The following CTXN2 variants were observed in gnomAD, a reference collection of about 807,000 sequenced individuals.
The protein encoded by CTXN2 is cortexin-2.
In CTXN2, 3 loss-of-function variants were observed where a neutral mutation model predicts 5.7. That is an observed-to-expected ratio of 0.53 (90% CI 0.24 to 1.36). CTXN2 has a LOEUF of 1.36. Ranked by LOEUF, CTXN2 falls within the 40% of genes most tolerant of loss-of-function variation. The pLI is 0.17. For missense variants in CTXN2, 87 were observed against 93.0 expected (o/e 0.94, Z 0.26); for synonymous variants, 38 against 36.4 (o/e 1.04, Z -0.16).
upstream of CTXN2, among the ~76,000 whole-genome samples, chr15:48,188,552 A>C (rs1012329351): frequency 1.1e-4 from 17 of 152,178 alleles, no homozygotes; most frequent in East Asian, 3.1e-3. Flanking sequence ...GTAGATATAG[A>C]GCAGGTTGTG....
chr15:48,184,407 T>A (rs1157778713), intron 1 of CTXN2, among the ~76,000 whole-genome samples: 2 of 151,988 alleles, frequency 1.3e-5, no homozygotes, highest in Non-Finnish European at 2.9e-5. Context: ...AAATCATACA[T>A]TAAAAATAAC....
intron 1 of CTXN2, among the ~76,000 whole-genome samples, chr15:48,193,803 C>T (rs1050877808): frequency 1.2e-4 from 18 of 152,022 alleles, no homozygotes; most frequent in African/African-American, 4.1e-4. Flanking sequence ...AAAAGCAGGA[C>T]TTGGCACACT....
At chr15:48,182,811 G>T (rs1322987610) in intron 1 of CTXN2, among the ~76,000 whole-genome samples, 1 of 152,176 alleles carries the variant, frequency 6.6e-6, no homozygotes. Context: ...AAGGCTGAGA[G>T]GGCAAAGGTC....
At chr15:48,178,492 C>T (rs545434796) in intron 1 of CTXN2, 65 of 420,014 alleles carry the variant, frequency 1.5e-4, no homozygotes, top group African/African-American at 1.2e-3. Context: ...GGCCCTACAC[C>T]TGCCTGGGAG....
upstream of CTXN2, among the ~76,000 whole-genome samples, chr15:48,188,347 T>C (rs2040779434): frequency 6.6e-6 from 1 of 152,152 alleles, no homozygotes; most frequent in Non-Finnish European, 1.5e-5. Context: ...GTTACATGAT[T>C]TTCATTGTGT....
chr15:48,201,432 T>C lies in CTXN2; in HGVS notation c.132T>C (p.Leu44=). The C allele has an allele frequency of 3.2e-6, 5 of 1,551,364 alleles. No individual in the cohort carries two copies. The highest frequency in any genetic ancestry group is 4.4e-6 in the Non-Finnish European group (5 of 1,146,728). The change falls in exon 2 of 2, where the codon CTT becomes CTC. Residue 44 remains leucine, a synonymous_variant. Coordinates refer to ENST00000417307, the MANE Select transcript of CTXN2 (RefSeq NM_001145668.2). ...VGILCIFLGL[L]IIRCFKILLD... ...TTTTGTGTATCTTCTTGGGACTTCT[T>C]ATTATCCGATGCTTCAAAATCCTGC...
At chr15:48,193,226 C>T (rs1373442832) in intron 1 of CTXN2, among the ~76,000 whole-genome samples, 1 of 152,128 alleles carries the variant, frequency 6.6e-6, no homozygotes, top group Non-Finnish European at 1.5e-5. Context: ...AATGTACTTT[C>T]AACCAAGTTA....
intron 1 of CTXN2, among the ~76,000 whole-genome samples, chr15:48,200,493 T>C (rs1396846508): frequency 6.6e-6 from 1 of 152,200 alleles, no homozygotes; most frequent in Non-Finnish European, 1.5e-5. Context: ...AAGTTGAATT[T>C]GCAGAGAAAG....
chr15:48,185,882 C>A (rs528801858), intron 1 of CTXN2, among the ~76,000 whole-genome samples: 4 of 152,186 alleles, frequency 2.6e-5, no homozygotes, highest in Non-Finnish European at 5.9e-5. Flanking sequence ...ACTGCTTTTA[C>A]TTGGTAGTCA....
At chr15:48,186,074 C>T (rs1397200221) in intron 1 of CTXN2, among the ~76,000 whole-genome samples, 1 of 152,142 alleles carries the variant, frequency 6.6e-6, no homozygotes, top group East Asian at 1.9e-4. Flanking sequence ...TCTCTATATA[C>T]TATACTGTAG....
Position 48,196,440 on chromosome 15 carries a change from C to T in CTXN2, c.-58+4587C>T, listed in dbSNP as rs190843778. Among the ~76,000 whole-genome samples, 771 of 152,180 alleles carry T rather than the reference C, an allele frequency of 5.1e-3. 6 individuals carry two copies. The highest frequency in any genetic ancestry group is 0.018 in the African/African-American group (741 of 41,538). ...ACTGTTCAAAAACACTGAAAACATGCGTAGATTAAAGTGAAACCTTTGTAA... is the reference window on the plus strand; with the variant it reads ...ACTGTTCAAAAACACTGAAAACATGTGTAGATTAAAGTGAAACCTTTGTAA... On this transcript the variant is annotated intron_variant, in intron 1 of 1. Transcript: ENST00000417307.
chr15:48,181,255 A>G (rs964201858), intron 1 of CTXN2, among the ~76,000 whole-genome samples: 1 of 152,260 alleles, frequency 6.6e-6, no homozygotes, highest in Non-Finnish European at 1.5e-5. Flanking sequence ...GTCATCGTGA[A>G]GTCAGGTTCC....
chr15:48,195,599 T>C (rs1232508380), intron 1 of CTXN2, among the ~76,000 whole-genome samples: 1 of 152,176 alleles, frequency 6.6e-6, no homozygotes, highest in African/African-American at 2.4e-5. Context: ...TTTATTGTCA[T>C]GCTTTTTTCT....
intron 1 of CTXN2, 86 bp from the exon 2 acceptor site, chr15:48,201,158 T>C: frequency 1.3e-6 from 1 of 770,890 alleles, no homozygotes; most frequent in Non-Finnish European, 2.0e-6. Context: ...GTCAAGAAGG[T>C]TTGAAAAACG....
upstream of CTXN2, among the ~76,000 whole-genome samples, chr15:48,188,861 T>C (rs956317322): frequency 2.0e-5 from 3 of 152,218 alleles, no homozygotes; most frequent in African/African-American, 7.2e-5. Flanking sequence ...TTTATCTTTT[T>C]GCAGTTCTTC....
Position 48,199,102 on chromosome 15 carries a change from A to T in CTXN2, c.-57-2142A>T, listed in dbSNP as rs141334647. Among the ~76,000 whole-genome samples, 543 of 152,282 alleles carry T rather than the reference A, an allele frequency of 3.6e-3. 1 individual carries two copies. Among genetic ancestry groups the T allele is most frequent in the African/African-American group, 0.013 (524 of 41,550 alleles). On this transcript the variant is annotated intron_variant, in intron 1 of 1. Coordinates refer to ENST00000417307, the MANE Select transcript of CTXN2 (RefSeq NM_001145668.2). The stretch of plus-strand genomic sequence containing the variant: ...ATTGAACTGTGCTATAGACCCAATG[A>T]CAGTCTCTGCTGACCCCATCTAGAA...
intron 1 of CTXN2, among the ~76,000 whole-genome samples, chr15:48,180,912 A>G (rs1172738296): frequency 6.6e-6 from 1 of 152,242 alleles, no homozygotes; most frequent in Non-Finnish European, 1.5e-5. Context: ...TTCACATTGC[A>G]AAAGCATTAT....
At chr15:48,181,237 G>A (rs1162389580) in intron 1 of CTXN2, among the ~76,000 whole-genome samples, 1 of 152,206 alleles carries the variant, frequency 6.6e-6, no homozygotes, top group African/African-American at 2.4e-5. Flanking sequence ...ATATATAGTA[G>A]CTTCACAGTC....
At chr15:48,187,133 G>A (rs2140971685), upstream of CTXN2, among the ~76,000 whole-genome samples, 1 of 151,534 alleles carries the variant, frequency 6.6e-6, no homozygotes, top group East Asian at 1.9e-4. Flanking sequence ...ATCTTTCTTA[G>A]TGAAATTTCA....
Sources: gnomAD v4.1 joint callset for allele counts (sites outside exome capture counted in the v4.1 genomes callset) on GRCh38, gnomAD v4.1.1 for gene constraint, MANE v1.5 for transcripts, NCBI Gene and HGNC (gene_info 2026-07-23, HGNC 2026-07-21) for gene names.